The following PIK3R1 variants were observed in gnomAD, a reference collection of about 807,000 sequenced individuals.
The protein encoded by PIK3R1 is phosphatidylinositol 3-kinase regulatory subunit alpha.
PIK3R1 carries 29 observed loss-of-function variants against 98.0 expected under a neutral mutation model. The ratio of observed to expected loss-of-function variants is 0.30; its 90% confidence interval spans 0.22 to 0.40. The LOEUF is 0.40. Ranked by LOEUF, PIK3R1 falls within the 10% of genes least tolerant of loss-of-function variation. The pLI is 1.00. For missense variants in PIK3R1, 596 were observed against 872.7 expected, an observed-to-expected ratio of 0.68 and a Z score of 3.99; for synonymous variants, 282 against 311.8, an observed-to-expected ratio of 0.90 and a Z score of 1.01.
chr5:68,262,564 C>T (rs1745823664), intron 2 of PIK3R1, among the ~76,000 whole-genome samples: 2 of 144,110 alleles, frequency 1.4e-5, no homozygotes, highest in Admixed American at 1.4e-4. Context: ...TACATGTATA[C>T]ACATGTACCT....
At chr5:68,231,266 G>A (rs940836533) in intron 2 of PIK3R1, among the ~76,000 whole-genome samples, 1 of 152,166 alleles carries the variant, frequency 6.6e-6, no homozygotes, top group African/African-American at 2.4e-5. Context: ...AGTGAAACCT[G>A]CTAACACAAG....
At chr5:68,242,810 C>G (rs990925363) in intron 2 of PIK3R1, among the ~76,000 whole-genome samples, 1 of 152,156 alleles carries the variant, frequency 6.6e-6, no homozygotes, top group Non-Finnish European at 1.5e-5. Context: ...TAAGTTGGAG[C>G]GTGACTATCC....
intron 4 of PIK3R1, among the ~76,000 whole-genome samples, chr5:68,274,331 T>C (rs1746485108): frequency 6.6e-6 from 1 of 152,202 alleles, no homozygotes; most frequent in African/African-American, 2.4e-5. Flanking sequence ...CTACCATCTT[T>C]CCTTGACCCT....
rs182485818 is a variant in PIK3R1 at position 68,290,274 on chromosome 5, A to G, written c.917-1985A>G. On this transcript the variant is annotated intron_variant, in intron 7 of 15. Coordinates refer to ENST00000521381, the MANE Select transcript of PIK3R1 (RefSeq NM_181523.3). ...AAGTATACCCTTTTAATGCCTTTGTAAGATTTTTAAACCAAGGAATGACTG... is the reference window on the plus strand; with the variant it reads ...AAGTATACCCTTTTAATGCCTTTGTGAGATTTTTAAACCAAGGAATGACTG... Among the ~76,000 whole-genome samples, 3 of 152,290 alleles carry G rather than the reference A, an allele frequency of 2.0e-5. No individual in the cohort carries two copies. In the East Asian group the frequency reaches 5.8e-4, roughly 29 times the overall value.
intron 2 of PIK3R1, among the ~76,000 whole-genome samples, chr5:68,246,311 A>ATTT (rs1481387405): frequency 8.3e-6 from 1 of 120,352 alleles, no homozygotes; most frequent in African/African-American, 3.9e-5. Context: ...CTTGGTGTGT[A>ATTT]TATTTTTTTT....
Position 68,297,767 on chromosome 5 carries a change from A to G in PIK3R1, c.*166A>G. 1 of 608,102 alleles carries G rather than the reference A, an allele frequency of 1.6e-6. No individual in the cohort carries two copies. Among genetic ancestry groups the G allele is most frequent in the Non-Finnish European group, 2.9e-6 (1 of 345,616 alleles). The allele number at this position is 608,102 out of a possible 1,614,324, so 37.7% of individuals were successfully genotyped here. On this transcript the variant is annotated 3_prime_UTR_variant, in exon 16 of 16. Transcript: ENST00000521381. Reference sequence around the variant, plus strand: ...TCACAAAAAAGAAGTAGGGGAAGACATGCAGCCTAAGGCTGTATGATGACC... The same window carrying G: ...TCACAAAAAAGAAGTAGGGGAAGACGTGCAGCCTAAGGCTGTATGATGACC...
rs1429756332 is a variant in PIK3R1 at position 68,280,587 on chromosome 5, A to G, written c.694A>G (p.Ile232Val). ...GAAGAAGCTTATTAGGTCGCCTAGC[A>G]TACCTCATCAGTATTGGCTTACGCT... is the stretch of plus-strand genomic sequence containing the variant. ...LLKKLIRSPS[I>V]PHQYWLTLQY... The change falls in exon 6 of 16, where the codon ATA becomes GTA. Residue 232 changes from isoleucine (I) to valine (V), a missense_variant. Ile to Val is a conservative substitution (Grantham distance 29, BLOSUM62 3). Coordinates refer to ENST00000521381, the MANE Select transcript of PIK3R1 (RefSeq NM_181523.3). 1.2e-6 allele frequency: 2 copies of G among 1,613,420 alleles called. No individual in the cohort carries two copies. Among genetic ancestry groups the G allele is most frequent in the South Asian group, 1.1e-5 (1 of 91,046 alleles).
chr5:68,237,595 GAA>G (rs11308179), intron 2 of PIK3R1, among the ~76,000 whole-genome samples: 3,377 of 135,898 alleles, frequency 0.025, 110 homozygotes, highest in African/African-American at 0.073. Context: ...TTTTCCCATT[GAA>G]AAAAAAAAAA....
At chr5:68,280,471 G>A (rs2112193524) in intron 5 of PIK3R1, 57 bp from the exon 6 acceptor site, 1 of 1,211,370 alleles carries the variant, frequency 8.3e-7, no homozygotes, top group Non-Finnish European at 1.2e-6. Context: ...TTTATTCACT[G>A]ATACCTGGAA....
rs1195208347 is a variant in PIK3R1 at position 68,300,934 on chromosome 5, C to CAAA, written c.*3335_*3337dup. 1 of 233,210 alleles carries CAAA rather than the reference C, an allele frequency of 4.3e-6. No individual in the cohort carries two copies. The highest frequency in any genetic ancestry group is 6.0e-5 in the East Asian group (1 of 16,540). The allele number at this position is 233,210 out of a possible 1,614,324, so 14.4% of individuals were successfully genotyped here. ...AATCCTTGTTTTCAGTGTGTCGAGT[C>CAAA]AAAATGTGTTTATGTGAGCTGTCAC... On this transcript the variant is annotated 3_prime_UTR_variant, in exon 16 of 16. Transcript: ENST00000521381.
At chr5:68,279,496 T>A (rs79787305) in intron 4 of PIK3R1, 106 bp from the exon 5 acceptor site, 1 of 48,168 alleles carries the variant, frequency 2.1e-5, no homozygotes, top group Non-Finnish European at 3.5e-5. Flanking sequence ...TGCTTCCTTA[T>A]TTTTTTTTTT....
chr5:68,234,057 T>C (rs1470251784), intron 2 of PIK3R1, among the ~76,000 whole-genome samples: 3 of 152,234 alleles, frequency 2.0e-5, no homozygotes, highest in Non-Finnish European at 2.9e-5. Flanking sequence ...GATGATCAAA[T>C]CTGATATCCA....
Position 68,231,406 on chromosome 5 carries a change from C to T in PIK3R1, c.334+4397C>T, listed in dbSNP as rs141170421. 2.4e-3 allele frequency among the ~76,000 whole-genome samples: 361 copies of T among 152,326 alleles called. 3 individuals are homozygous for T. Among genetic ancestry groups the T allele is most frequent in the African/African-American group, 8.0e-3 (334 of 41,576 alleles). ...TAAAGCATGCATTTGACATGGCTTA[C>T]GCTAAATTTTGATCAAAATCCCTTT... On this transcript the variant is annotated intron_variant, in intron 2 of 15. Transcript: ENST00000521381.
At chr5:68,232,563 G>A (rs1374639989) in intron 2 of PIK3R1, among the ~76,000 whole-genome samples, 3 of 152,180 alleles carry the variant, frequency 2.0e-5, no homozygotes, top group Non-Finnish European at 4.4e-5. Flanking sequence ...CACTTGAACT[G>A]CTCTCCTAGA....
At chr5:68,248,778 A>T (rs1745195780) in intron 2 of PIK3R1, among the ~76,000 whole-genome samples, 1 of 152,198 alleles carries the variant, frequency 6.6e-6, no homozygotes, top group Non-Finnish European at 1.5e-5. Context: ...TATGTAGTAC[A>T]CCTATATATG....
chr5:68,295,546 A>G, intron 14 of PIK3R1, 58 bp downstream of exon 14: 4 of 1,405,068 alleles, frequency 2.8e-6, no homozygotes, highest in Non-Finnish European at 4.0e-6. Flanking sequence ...AGGAAAATGC[A>G]TGACTTGCTT....
At chr5:68,284,210 G>A (rs1057208810) in intron 7 of PIK3R1, among the ~76,000 whole-genome samples, 3 of 152,176 alleles carry the variant, frequency 2.0e-5, no homozygotes, top group African/African-American at 4.8e-5. Flanking sequence ...TAGCTTTTGA[G>A]GCCTTATGGG....
At chr5:68,273,669 C>G (rs1291886060) in intron 3 of PIK3R1, 187 bp downstream of exon 3, 3 of 605,884 alleles carry the variant, frequency 5.0e-6, no homozygotes, top group African/African-American at 3.7e-5. Context: ...ATTTCTAACT[C>G]TAGATTATCA....
chr5:68,294,895 G>A (rs944110853), intron 12 of PIK3R1, among the ~76,000 whole-genome samples: 38 of 151,458 alleles, frequency 2.5e-4, no homozygotes, highest in Non-Finnish European at 1.6e-4. Context: ...CACCAGCATG[G>A]CACATGTATA....
Sources: gnomAD v4.1 joint callset for allele counts (sites outside exome capture counted in the v4.1 genomes callset) on GRCh38, gnomAD v4.1.1 for gene constraint, MANE v1.5 for transcripts, NCBI Gene and HGNC (gene_info 2026-07-23, HGNC 2026-07-21) for gene names.